KCNU1: variants seen among roughly 807,000 people sequenced by gnomAD.
KCNU1 encodes the protein potassium calcium-activated channel subfamily U member 1, also known as potassium channel subfamily U member 1.
In KCNU1, 93 loss-of-function variants were observed where a neutral mutation model predicts 126.8. That is an observed-to-expected ratio of 0.73 (90% CI 0.62 to 0.87). The LOEUF is 0.87. Among genes scored for constraint, KCNU1 ranks in the 40% least tolerant of loss-of-function variants. The probability of loss-of-function intolerance (pLI) is 0.00; values close to 1 mark genes in which losing one functional copy is unlikely to be tolerated. For synonymous variants in KCNU1, 523 were observed against 494.2 expected, an observed-to-expected ratio of 1.06 and a Z score of -0.77; for missense variants, 1,330 against 1,367.1, an observed-to-expected ratio of 0.97 and a Z score of 0.43.
chr8:36,821,380 C>G (rs1232130392), intron 10 of KCNU1, among the ~76,000 whole-genome samples: 1 of 152,184 alleles, frequency 6.6e-6, no homozygotes, highest in Non-Finnish European at 1.5e-5. Flanking sequence ...TGGGGCTTGC[C>G]TGTTGCAATT....
intron 19 of KCNU1, among the ~76,000 whole-genome samples, chr8:36,893,439 C>G (rs1355446063): frequency 6.6e-6 from 1 of 151,796 alleles, no homozygotes; most frequent in African/African-American, 2.4e-5. Flanking sequence ...GAGAAAACTC[C>G]CAGGCCAAAT....
At position 36,892,646 on chromosome 8, in the gene KCNU1, A is replaced by G. The variant is rs553757683; in HGVS notation, c.2010-13062A>G. 5.4e-4 allele frequency among the ~76,000 whole-genome samples: 82 copies of G among 152,110 alleles called. No individual in the cohort carries two copies. In the Middle Eastern group the frequency reaches 0.014, roughly 25 times the overall value. ...TATATTGACACTTAAATCTCTACTC[A>G]GCTTTATGATCAGCTAATGATTGCA... On this transcript the variant is annotated intron_variant, in intron 19 of 26. Coordinates refer to ENST00000399881, the MANE Select transcript of KCNU1 (RefSeq NM_001031836.3).
chr8:36,894,368 G>A (rs919863915), intron 19 of KCNU1, among the ~76,000 whole-genome samples: 4 of 152,098 alleles, frequency 2.6e-5, no homozygotes, highest in African/African-American at 9.7e-5. Context: ...TTGTTTCTGA[G>A]TGACTCACTT....
intron 24 of KCNU1, among the ~76,000 whole-genome samples, chr8:36,929,362 C>A (rs1307659160): frequency 8.8e-5 from 10 of 113,050 alleles, no homozygotes; most frequent in Admixed American, 5.9e-4. Flanking sequence ...CTAGCCTAGA[C>A]AACAAACAGA....
intron 26 of KCNU1, among the ~76,000 whole-genome samples, chr8:36,934,446 T>C (rs184449702): frequency 2.1e-4 from 32 of 151,814 alleles, no homozygotes; most frequent in African/African-American, 7.5e-4. Flanking sequence ...GTTCTGGAAA[T>C]AGCTCTCTCT....
At chr8:36,815,776 T>C in intron 9 of KCNU1, 89 bp downstream of exon 9, 1 of 737,928 alleles carries the variant, frequency 1.4e-6, no homozygotes, top group Non-Finnish European at 2.3e-6. Flanking sequence ...CTGGCTTAGC[T>C]GTAGAACCCA....
chr8:36,920,267 G>A (rs909215500), intron 23 of KCNU1, among the ~76,000 whole-genome samples: 2 of 152,060 alleles, frequency 1.3e-5, no homozygotes, highest in Non-Finnish European at 2.9e-5. Flanking sequence ...ATAAAATGGT[G>A]TAGTACTGTC....
At chr8:36,845,778 T>G (rs375453912) in intron 17 of KCNU1, 24 bp from the exon 18 acceptor site, 135 of 1,557,474 alleles carry the variant, frequency 8.7e-5, no homozygotes, top group Non-Finnish European at 1.1e-4. Context: ...CATAATTCAT[T>G]CTTGGTTTTC....
chr8:36,909,024 A>G (rs931636442), intron 20 of KCNU1, among the ~76,000 whole-genome samples: 11 of 152,220 alleles, frequency 7.2e-5, no homozygotes, highest in African/African-American at 2.7e-4. Context: ...ATGATTTCAC[A>G]CCCTGAGGAA....
At chr8:36,810,036 G>A (rs764838653) in intron 7 of KCNU1, among the ~76,000 whole-genome samples, 26 of 152,060 alleles carry the variant, frequency 1.7e-4, no homozygotes, top group Non-Finnish European at 2.9e-4. Context: ...TTCGGATCAC[G>A]AGGTCGAGAG....
chr8:36,831,925 T>C (rs983003775), intron 10 of KCNU1, among the ~76,000 whole-genome samples: 4 of 152,240 alleles, frequency 2.6e-5, no homozygotes, highest in African/African-American at 7.2e-5. Flanking sequence ...CCGTCTTGAA[T>C]TGATTTTTTG....
intron 7 of KCNU1, among the ~76,000 whole-genome samples, chr8:36,813,320 C>T (rs1295124457): frequency 6.6e-6 from 1 of 151,686 alleles, no homozygotes; most frequent in Non-Finnish European, 1.5e-5. Context: ...TTCTTAAAAA[C>T]AAAACAAAAA....
intron 10 of KCNU1, among the ~76,000 whole-genome samples, chr8:36,824,444 T>C (rs1804242530): frequency 6.6e-6 from 1 of 152,224 alleles, no homozygotes. Context: ...GTACCTAATT[T>C]ATAAATTAAA....
chr8:36,933,268 G>T (rs1193661510), intron 26 of KCNU1, among the ~76,000 whole-genome samples: 1 of 152,074 alleles, frequency 6.6e-6, no homozygotes, highest in African/African-American at 2.4e-5. Context: ...CTGTCCCCCA[G>T]TGAAAATTGA....
intron 7 of KCNU1, among the ~76,000 whole-genome samples, chr8:36,811,970 A>G (rs1274836662): frequency 2.6e-5 from 4 of 152,168 alleles, no homozygotes; most frequent in South Asian, 4.1e-4. Context: ...AGGCTGAGGC[A>G]GGAGAATCAC....
At chr8:36,843,829 G>A (rs906262662) in intron 16 of KCNU1, among the ~76,000 whole-genome samples, 12 of 152,114 alleles carry the variant, frequency 7.9e-5, no homozygotes, top group African/African-American at 2.9e-4. Flanking sequence ...GGAATTATTT[G>A]TCACCTGCTA....
chr8:36,810,280 A>G (rs1041024804), intron 7 of KCNU1, among the ~76,000 whole-genome samples: 2 of 151,556 alleles, frequency 1.3e-5, no homozygotes, highest in African/African-American at 4.9e-5. Flanking sequence ...TTCTCCCTAT[A>G]GCTTCTCCCT....
At position 36,845,679 on chromosome 8, in the gene KCNU1, T is replaced by G; in HGVS notation, c.1793+10T>G. The G allele has an allele frequency of 6.3e-7, 1 of 1,581,586 alleles. No homozygotes were observed. Among genetic ancestry groups the G allele is most frequent in the Non-Finnish European group, 8.7e-7 (1 of 1,150,490 alleles). On this transcript the variant is annotated intron_variant, in intron 17 of 26. Transcript: ENST00000399881. ...CAAAGGACGTCAGAAGGTAATTTTA[T>G]TATTTTATGGGGGAAAAGCACTAAA...
chr8:36,841,599 C>T (rs1029406929), intron 16 of KCNU1, among the ~76,000 whole-genome samples: 9 of 151,966 alleles, frequency 5.9e-5, no homozygotes, highest in African/African-American at 9.7e-5. Context: ...GGGAGGCTGA[C>T]GCATGAGAAT....
Sources: gnomAD v4.1 joint callset for allele counts (sites outside exome capture counted in the v4.1 genomes callset) on GRCh38, gnomAD v4.1.1 for gene constraint, MANE v1.5 for transcripts, NCBI Gene and HGNC (gene_info 2026-07-23, HGNC 2026-07-21) for gene names.